AP4E1: variants seen among roughly 807,000 people sequenced by gnomAD.
The protein encoded by AP4E1 is AP-4 complex subunit epsilon-1.
In AP4E1, 56 loss-of-function variants were observed where a neutral mutation model predicts 128.2. That is an observed-to-expected ratio of 0.44 (90% CI 0.35 to 0.55). The LOEUF (loss-of-function observed/expected upper bound fraction) is 0.55, where lower values mean the gene tolerates loss of function less well. AP4E1 is among the 20% of genes least tolerant of loss of function. The pLI is 0.00. For synonymous variants in AP4E1, 484 were observed against 473.1 expected, an observed-to-expected ratio of 1.02 and a Z score of -0.30; for missense variants, 1,324 against 1,307.7, an observed-to-expected ratio of 1.01 and a Z score of -0.19.
intron 10 of AP4E1, among the ~76,000 whole-genome samples, chr15:50,947,287 G>C (rs539051764): frequency 6.6e-6 from 1 of 151,600 alleles, no homozygotes; most frequent in Non-Finnish European, 1.5e-5. Context: ...ATGGTGGCAC[G>C]TGCCTGTAGT....
chr15:50,909,920 C>G (rs1403952738), intron 1 of AP4E1, among the ~76,000 whole-genome samples: 1 of 152,164 alleles, frequency 6.6e-6, no homozygotes, highest in Admixed American at 6.5e-5. Context: ...CTCCTGACCT[C>G]GCGATCCGCC....
chr15:51,002,396 TTGAG>T, intron 20 of AP4E1, 102 bp from the exon 21 acceptor site: 1 of 1,191,518 alleles, frequency 8.4e-7, no homozygotes, highest in South Asian at 1.2e-5. Flanking sequence ...GTTAGTGATA[TTGAG>T]TATCTTTTCA....
chr15:50,961,748 A>T (rs748616170), intron 14 of AP4E1, among the ~76,000 whole-genome samples: 6 of 152,074 alleles, frequency 3.9e-5, no homozygotes, highest in Non-Finnish European at 7.4e-5. Context: ...TGGAAGTCCT[A>T]GCTAGAGCAA....
intron 10 of AP4E1, among the ~76,000 whole-genome samples, chr15:50,946,375 G>T (rs1456989291): frequency 1.3e-5 from 2 of 152,020 alleles, no homozygotes; most frequent in Non-Finnish European, 2.9e-5. Flanking sequence ...TTACAATGAT[G>T]TTTCTTCCTA....
At chr15:50,938,766 CCTCT>C (rs372196029) in intron 8 of AP4E1, among the ~76,000 whole-genome samples, 1 of 152,036 alleles carries the variant, frequency 6.6e-6, no homozygotes, top group Non-Finnish European at 1.5e-5. Flanking sequence ...ATGAGGTACC[CCTCT>C]CTCTCCCAGG....
At chr15:50,955,295 C>T (rs1356420130) in intron 13 of AP4E1, among the ~76,000 whole-genome samples, 1 of 152,220 alleles carries the variant, frequency 6.6e-6, no homozygotes, top group African/African-American at 2.4e-5. Flanking sequence ...TACAGTCCCA[C>T]CGACAGTGTG....
chr15:50,949,265 T>C (rs540052118), intron 11 of AP4E1, among the ~76,000 whole-genome samples: 82 of 151,788 alleles, frequency 5.4e-4, no homozygotes, highest in Non-Finnish European at 9.9e-4. Flanking sequence ...CAAAAAAATT[T>C]AGCCGGGCAT....
intron 11 of AP4E1, among the ~76,000 whole-genome samples, chr15:50,949,136 AAAGAGAC>A (rs996734030): frequency 3.3e-5 from 5 of 151,838 alleles, no homozygotes; most frequent in African/African-American, 1.2e-4. Context: ...ACAGATTAGA[AAAGAGAC>A]TAAACACCTG....
At chr15:50,960,323 T>G (rs2064294099) in intron 14 of AP4E1, among the ~76,000 whole-genome samples, 1 of 152,134 alleles carries the variant, frequency 6.6e-6, no homozygotes, top group South Asian at 2.1e-4. Context: ...AGAATACACA[T>G]TCTTCTCATC....
rs528697268 is a variant in AP4E1 at position 50,993,796 on chromosome 15, A to G, written c.2346+171A>G. Among the ~76,000 whole-genome samples, 6 of 152,320 alleles carry G rather than the reference A, an allele frequency of 3.9e-5. No homozygotes were observed. The East Asian group carries it at 1.2e-3, about 29-fold the overall frequency. The stretch of plus-strand genomic sequence containing the variant: ...AGAACCACTAATGACACAGCTTTTT[A>G]TATTCCTGAAAGAGAAAATGCAGTT... On this transcript the variant is annotated intron_variant, in intron 17 of 20. Coordinates refer to ENST00000261842, the MANE Select transcript of AP4E1 (RefSeq NM_007347.5).
chr15:50,982,091 A>AAG (rs2064650853), intron 15 of AP4E1, among the ~76,000 whole-genome samples: 1 of 148,792 alleles, frequency 6.7e-6, no homozygotes. Flanking sequence ...CATCTCAAAA[A>AAG]AAAAAAAAAA....
intron 15 of AP4E1, among the ~76,000 whole-genome samples, chr15:50,981,932 G>A (rs1198285063): frequency 2.0e-5 from 3 of 151,554 alleles, no homozygotes; most frequent in East Asian, 1.9e-4. Context: ...CTAAAAATAC[G>A]AAATTAGCCG....
rs186642332 is a variant in AP4E1 at position 50,912,923 on chromosome 15, T to C, written c.222+774T>C. On this transcript the variant is annotated intron_variant, in intron 2 of 20. Coordinates refer to ENST00000261842, the MANE Select transcript of AP4E1 (RefSeq NM_007347.5). ...AAGCGATCCACCCACCTCAGCCTCC[T>C]AAATCAAAGTACTAGGATTACAGGT... Among the ~76,000 whole-genome samples, 3 of 152,190 alleles carry C rather than the reference T, an allele frequency of 2.0e-5. No individual in the cohort carries two copies. In the East Asian group the frequency reaches 5.8e-4, roughly 29 times the overall value.
intron 15 of AP4E1, among the ~76,000 whole-genome samples, chr15:50,977,440 A>G (rs920860092): frequency 6.6e-5 from 10 of 152,114 alleles, no homozygotes; most frequent in African/African-American, 2.4e-4. Context: ...AAACGCTCAA[A>G]CTAGATTCTC....
chr15:50,993,740 C>T, intron 17 of AP4E1, 115 bp downstream of exon 17: 2 of 1,245,744 alleles, frequency 1.6e-6, no homozygotes, highest in Non-Finnish European at 2.3e-6. Context: ...GTGGCTTCCC[C>T]AGTTCTTACT....
rs376456891 is a variant in AP4E1, at chr15:50,991,531, G to A, written c.2091-1839G>A. Among the ~76,000 whole-genome samples the A allele has an allele frequency of 3.3e-5, 5 of 151,918 alleles. No homozygotes were observed. The East Asian group carries it at 7.7e-4, about 24-fold the overall frequency. ...AAGTACAACCAATTTTTGTCTAAGA[G>A]GTTTATTATATAACTTTTTTTTTTC... On this transcript the variant is annotated intron_variant, in intron 16 of 20. Transcript: ENST00000261842.
At chr15:50,977,545 C>T (rs975091525) in intron 15 of AP4E1, among the ~76,000 whole-genome samples, 1 of 151,640 alleles carries the variant, frequency 6.6e-6, no homozygotes, top group Non-Finnish European at 1.5e-5. Flanking sequence ...GGTTATGAGA[C>T]AAGATATAGC....
intron 15 of AP4E1, among the ~76,000 whole-genome samples, chr15:50,979,317 T>C (rs1596500818): frequency 6.6e-6 from 1 of 152,300 alleles, no homozygotes; most frequent in East Asian, 1.9e-4. Flanking sequence ...AAAAAGCTGA[T>C]CAGGCCATGA....
At chr15:50,947,323 G>A (rs12440745) in intron 10 of AP4E1, among the ~76,000 whole-genome samples, 31,529 of 151,606 alleles carry the variant, frequency 0.21, 3,820 homozygotes, top group East Asian at 0.45. Flanking sequence ...GGCTGAGGTG[G>A]GAGGATTGCT....
Sources: allele counts gnomAD v4.1 joint callset (sites outside exome capture counted in the v4.1 genomes callset), GRCh38; gene constraint gnomAD v4.1.1; transcripts MANE v1.5; gene names NCBI Gene and HGNC (gene_info 2026-07-23, HGNC 2026-07-21).